RIC8B: variants seen among roughly 807,000 people sequenced by gnomAD.
RIC8B encodes RIC8 guanine nucleotide exchange factor B.
RIC8B carries 16 observed loss-of-function variants against 57.5 expected under a neutral mutation model. That is an observed-to-expected ratio of 0.28 (90% CI 0.19 to 0.42). The LOEUF is 0.42. Among genes scored for constraint, RIC8B ranks in the 10% least tolerant of loss-of-function variants. The pLI, the probability that RIC8B is intolerant of heterozygous loss-of-function variation, is 1.00. For synonymous variants in RIC8B, 216 were observed against 250.8 expected (o/e 0.86, Z 1.31); for missense variants, 481 against 677.0 (o/e 0.71, Z 3.21).
intron 7 of RIC8B, among the ~76,000 whole-genome samples, chr12:106,857,556 G>A (rs1949759864): frequency 6.6e-6 from 1 of 152,118 alleles, no homozygotes; most frequent in African/African-American, 2.4e-5. Context: ...TTGACTGAAT[G>A]CTGAATTGTT....
chr12:106,801,590 T>C (rs2044733368), intron 2 of RIC8B, among the ~76,000 whole-genome samples: 1 of 152,150 alleles, frequency 6.6e-6, no homozygotes, highest in Non-Finnish European at 1.5e-5. Flanking sequence ...GCCTCCCATA[T>C]TACAAGTAGG....
intron 3 of RIC8B, among the ~76,000 whole-genome samples, chr12:106,824,019 T>TTA (rs2045977790): frequency 6.6e-6 from 1 of 152,208 alleles, no homozygotes; most frequent in South Asian, 2.1e-4. Flanking sequence ...GCGTTTGAGA[T>TTA]GGATAGTGAA....
intron 6 of RIC8B, among the ~76,000 whole-genome samples, chr12:106,848,923 G>A (rs1298008985): frequency 1.3e-5 from 2 of 152,146 alleles, no homozygotes; most frequent in African/African-American, 4.8e-5. Context: ...GAGATCTGCT[G>A]TACAACATTG....
chr12:106,780,354 G>C (rs189717542), intron 1 of RIC8B, among the ~76,000 whole-genome samples: 7 of 152,274 alleles, frequency 4.6e-5, no homozygotes, highest in African/African-American at 1.7e-4. Context: ...CAGACAGATA[G>C]GTAGGTCTCT....
chr12:106,795,142 C>G (rs1272826929), intron 2 of RIC8B, among the ~76,000 whole-genome samples: 1 of 152,090 alleles, frequency 6.6e-6, no homozygotes, highest in Non-Finnish European at 1.5e-5. Context: ...TATACTTGTT[C>G]TCCCAGCTTC....
At chr12:106,783,753 G>A (rs1343745001) in intron 1 of RIC8B, among the ~76,000 whole-genome samples, 2 of 152,148 alleles carry the variant, frequency 1.3e-5, no homozygotes, top group African/African-American at 4.8e-5. Flanking sequence ...AGCCATTCCG[G>A]ATTTTCCTGG....
intron 2 of RIC8B, among the ~76,000 whole-genome samples, chr12:106,810,653 A>T (rs78013698): frequency 0.016 from 2,396 of 151,194 alleles, 32 homozygotes; most frequent in Non-Finnish European, 0.022. Flanking sequence ...GGGAGGCTGT[A>T]AAAAAGCAAA....
chr12:106,787,593 G>A (rs2044090463), intron 2 of RIC8B, among the ~76,000 whole-genome samples: 1 of 152,140 alleles, frequency 6.6e-6, no homozygotes, highest in African/African-American at 2.4e-5. Flanking sequence ...GGCTGGGGAG[G>A]CCTCAGAATC....
intron 4 of RIC8B, among the ~76,000 whole-genome samples, chr12:106,841,926 C>G (rs1371171095): frequency 6.6e-6 from 1 of 152,100 alleles, no homozygotes; most frequent in Non-Finnish European, 1.5e-5. Flanking sequence ...GCATCCCAGT[C>G]TCGTGTATTC....
chr12:106,879,319 C>G lies in RIC8B; in HGVS notation c.1572-6585C>G, dbSNP rs551148997. The G allele has an allele frequency of 2.0e-6, 2 of 985,164 alleles. No individual in the cohort carries two copies. The highest frequency in any genetic ancestry group is 3.5e-5 in the African/African-American group (2 of 57,178). The allele number at this position is 985,164 out of a possible 1,614,324, so 61.0% of individuals were successfully genotyped here. On this transcript the variant is annotated intron_variant, in intron 9 of 9. Coordinates refer to ENST00000392837, the MANE Select transcript of RIC8B (RefSeq NM_001330145.2). The surrounding 1 kb of genome is among the most constrained non-coding windows in gnomAD (Gnocchi z 4.9). The stretch of plus-strand genomic sequence containing the variant: ...AAGTAAAGTGTTTTATACACATACA[C>G]GTCTGACCTATTCTATATTGTGCGA...
intron 4 of RIC8B, among the ~76,000 whole-genome samples, chr12:106,840,150 G>A (rs2046804489): frequency 6.6e-6 from 1 of 152,110 alleles, no homozygotes; most frequent in African/African-American, 2.4e-5. Context: ...TGACCAGCAA[G>A]ATTTATTAAC....
At chr12:106,789,876 T>C (rs1330565896) in intron 2 of RIC8B, among the ~76,000 whole-genome samples, 2 of 151,358 alleles carry the variant, frequency 1.3e-5, no homozygotes, top group Non-Finnish European at 1.5e-5. Context: ...ACCCCTCTTA[T>C]ATGAAAAATC....
chr12:106,887,829 A>G lies in RIC8B; in HGVS notation c.*1814A>G, dbSNP rs1485664561. Reference sequence around the variant, plus strand: ...GTGTGTACAACAGTATGGCCCGTAGACTACTTCCTATAATGGTGACCCTGA... The same window carrying G: ...GTGTGTACAACAGTATGGCCCGTAGGCTACTTCCTATAATGGTGACCCTGA... On this transcript the variant is annotated 3_prime_UTR_variant, in exon 10 of 10. Coordinates refer to ENST00000392837, the MANE Select transcript of RIC8B (RefSeq NM_001330145.2). The G allele has an allele frequency of 6.6e-6, 1 of 152,272 alleles. No individual in the cohort carries two copies. Among genetic ancestry groups the G allele is most frequent in the Non-Finnish European group, 1.5e-5 (1 of 68,036 alleles). 9.4% of individuals were successfully genotyped at this position (152,272 alleles called of 1,614,324 possible). A position where few individuals can be genotyped will look rare whatever the true frequency, so the allele number is the denominator to read the frequency against.
intron 8 of RIC8B, among the ~76,000 whole-genome samples, chr12:106,866,300 G>C (rs192281435): frequency 6.6e-6 from 1 of 152,194 alleles, no homozygotes; most frequent in Admixed American, 6.5e-5. Context: ...CCCCTCCTCA[G>C]CATTAGGATA....
At chr12:106,864,172 C>G (rs1429896620) in intron 8 of RIC8B, among the ~76,000 whole-genome samples, 1 of 152,074 alleles carries the variant, frequency 6.6e-6, no homozygotes, top group Admixed American at 6.6e-5. Flanking sequence ...TCTTAAATTA[C>G]TTGAGACATT....
rs748502246 is a variant in RIC8B, at chr12:106,867,212, A to G, written c.1452-3611A>G. Among the ~76,000 whole-genome samples the G allele has an allele frequency of 6.6e-6, 1 of 152,208 alleles. No homozygotes were observed. Among genetic ancestry groups the G allele is most frequent in the African/African-American group, 2.4e-5 (1 of 41,452 alleles). On this transcript the variant is annotated intron_variant, in intron 8 of 9. Coordinates refer to ENST00000392837, the MANE Select transcript of RIC8B (RefSeq NM_001330145.2). The surrounding 1 kb of genome is among the most constrained non-coding windows in gnomAD (Gnocchi z 4.3). ...GTTTTATACCTGTGTTCATTTGTCC[A>G]TACCTTTTTAGTGTGTCTTAATCCT...
At position 106,815,110 on chromosome 12, in the gene RIC8B, C is replaced by T. The variant is rs578164795; in HGVS notation, c.547C>T (p.Arg183Cys). The change falls in exon 3 of 10, where the codon CGC (arginine) becomes TGC (cysteine). Residue 183 changes from arginine to cysteine, a missense_variant. Around this residue, in one of 3 missense-constraint regions of RIC8B, gnomAD observed 421 missense variants for 560.9 expected, o/e 0.75. Transcript: ENST00000392837. Reference sequence around the variant, plus strand: ...GCACACCGACATCAGGTCACAATTGCGCTATGAGCTCCAGGGACTACCGCT... The same window carrying T: ...GCACACCGACATCAGGTCACAATTGTGCTATGAGCTCCAGGGACTACCGCT... ...LLHTDIRSQL[R>C]YELQGLPLLT... 1.4e-5 allele frequency: 22 copies of T among 1,614,102 alleles called. No individual in the cohort carries two copies. The highest frequency in any genetic ancestry group is 1.9e-5 in the Non-Finnish European group (22 of 1,180,042).
chr12:106,853,537 C>A lies in RIC8B; in HGVS notation c.1306+1943C>A, dbSNP rs527361494. Among the ~76,000 whole-genome samples the A allele has an allele frequency of 2.4e-5, 3 of 126,928 alleles. No homozygotes were observed. In the East Asian group the frequency reaches 8.0e-4, roughly 34 times the overall value. The allele number at this position is 126,928 out of a possible 152,430, so 83.3% of individuals were successfully genotyped here. On this transcript the variant is annotated intron_variant, in intron 7 of 9. Transcript: ENST00000392837. Reference sequence around the variant, plus strand: ...AGGCTGGAGTGCAGTGGTGCAATCTCGGCTCACTGCAACCTCCGCCTCCCA... The same window carrying A: ...AGGCTGGAGTGCAGTGGTGCAATCTAGGCTCACTGCAACCTCCGCCTCCCA...
Position 106,834,079 on chromosome 12 carries a change from A to G in RIC8B, c.836+8259A>G, listed in dbSNP as rs573916913. ...TACATCCTGCAGAACTGTGAGCCAA[A>G]TAAACCTTTCTTTATAAATTACCCA... On this transcript the variant is annotated intron_variant, in intron 4 of 9. Coordinates refer to ENST00000392837, the MANE Select transcript of RIC8B (RefSeq NM_001330145.2). Among the ~76,000 whole-genome samples, 44 of 152,330 alleles carry G rather than the reference A, an allele frequency of 2.9e-4. No individual in the cohort carries two copies. The South Asian group carries it at 8.9e-3, about 31-fold the overall frequency.
Sources: allele counts gnomAD v4.1 joint callset (sites outside exome capture counted in the v4.1 genomes callset), GRCh38; gene constraint gnomAD v4.1.1; regional missense constraint gnomAD v4.1.1; non-coding constraint Gnocchi (gnomAD v3.1); transcripts MANE v1.5; gene names NCBI Gene and HGNC (gene_info 2026-07-23, HGNC 2026-07-21).